Variants in FBXO11 observed in about 807,000 individuals in gnomAD.
FBXO11 encodes the protein F-box only protein 11.
FBXO11 carries 13 observed loss-of-function variants against 117.0 expected under a neutral mutation model. The observed-to-expected ratio is 0.11, with a 90% CI of 0.07 to 0.18. The LOEUF (loss-of-function observed/expected upper bound fraction) is 0.18. Ranked by LOEUF, FBXO11 falls within the 10% of genes least tolerant of loss-of-function variation. The pLI is 1.00. For missense variants in FBXO11, 767 were observed against 1,164.4 expected, an observed-to-expected ratio of 0.66 and a Z score of 4.97; for synonymous variants, 490 against 380.5, an observed-to-expected ratio of 1.29 and a Z score of -3.35.
At chr2:47,870,679 G>C (rs2103824723) in intron 1 of FBXO11, among the ~76,000 whole-genome samples, 1 of 152,336 alleles carries the variant, frequency 6.6e-6, no homozygotes, top group South Asian at 2.1e-4. Context: ...ATTTTAAACA[G>C]AAGTGTAAGA....
chr2:47,850,756 T>C (rs971186461), intron 1 of FBXO11, among the ~76,000 whole-genome samples: 1 of 152,222 alleles, frequency 6.6e-6, no homozygotes, highest in Non-Finnish European at 1.5e-5. Flanking sequence ...CTCTTGAGAA[T>C]AGCTTAAATT....
At chr2:47,854,501 A>AAAAT (rs542521269) in intron 1 of FBXO11, among the ~76,000 whole-genome samples, 175 of 152,032 alleles carry the variant, frequency 1.2e-3, no homozygotes, top group Middle Eastern at 6.8e-3. Context: ...GAATAAAATA[A>AAAAT]AAATAAATAA....
intron 12 of FBXO11, among the ~76,000 whole-genome samples, chr2:47,822,546 G>C (rs1345607058): frequency 6.6e-6 from 1 of 152,138 alleles, no homozygotes; most frequent in African/African-American, 2.4e-5. Context: ...TTTTTTAGCT[G>C]ATCTAGAAAC....
chr2:47,827,304 T>G (rs968960472), intron 11 of FBXO11, among the ~76,000 whole-genome samples: 2 of 151,946 alleles, frequency 1.3e-5, no homozygotes, highest in Admixed American at 6.6e-5. Flanking sequence ...CTTCAAGATT[T>G]TTTTGTTTGT....
intron 1 of FBXO11, among the ~76,000 whole-genome samples, chr2:47,842,018 T>A (rs1039836236): frequency 1.3e-5 from 2 of 149,730 alleles, no homozygotes; most frequent in Non-Finnish European, 3.0e-5. Context: ...CAGTTTTATT[T>A]TTATTTTTTT....
intron 21 of FBXO11, chr2:47,808,806 C>T (rs1670407141): frequency 3.9e-6 from 1 of 258,446 alleles, no homozygotes; most frequent in African/African-American, 2.2e-5. Flanking sequence ...CATTACACAA[C>T]ATGAGTTACA....
At position 47,807,001 on chromosome 2, in the gene FBXO11, T is replaced by TC; in HGVS notation, c.*1116dup. On this transcript the variant is annotated 3_prime_UTR_variant, in exon 23 of 23. Coordinates refer to ENST00000403359, the MANE Select transcript of FBXO11 (RefSeq NM_001190274.2). ...GGAAATTAAACCCTTTTAATTCTTA[T>TC]CTACCTTCTACATAATGGTTATTGA... The TC allele has an allele frequency of 1.4e-6, 1 of 694,718 alleles. No individual in the cohort carries two copies. The highest frequency in any genetic ancestry group is 2.5e-6 in the Non-Finnish European group (1 of 395,276). The allele number at this position is 694,718 out of a possible 1,614,324, so 43.0% of individuals were successfully genotyped here. A position where few individuals can be genotyped will look rare whatever the true frequency, so the allele number is the denominator to read the frequency against.
At chr2:47,825,086 G>GCCGCCACC (rs1671651086) in intron 11 of FBXO11, among the ~76,000 whole-genome samples, 13 of 150,862 alleles carry the variant, frequency 8.6e-5, no homozygotes, top group African/African-American at 3.1e-4. Flanking sequence ...AACAGGATTT[G>GCCGCCACC]ATGAATTTTT....
At chr2:47,878,545 TG>T (rs1052280171) in intron 1 of FBXO11, among the ~76,000 whole-genome samples, 15 of 151,946 alleles carry the variant, frequency 9.9e-5, no homozygotes, top group Non-Finnish European at 1.5e-4. Flanking sequence ...TCAGTAGAGA[TG>T]GGGTTTCACC....
chr2:47,903,366 G>A (rs1032785029), intron 1 of FBXO11, among the ~76,000 whole-genome samples: 23 of 152,130 alleles, frequency 1.5e-4, no homozygotes, highest in Non-Finnish European at 2.9e-5. Context: ...CAATTCTACA[G>A]TAAATTTCAT....
At chr2:47,866,461 C>T (rs1044816171) in intron 1 of FBXO11, among the ~76,000 whole-genome samples, 4 of 151,628 alleles carry the variant, frequency 2.6e-5, no homozygotes, top group Non-Finnish European at 5.9e-5. Context: ...CACATATCTA[C>T]GCTAGCAAGT....
rs1678763876 is a variant in FBXO11 at position 47,905,773 on chromosome 2, C to G, written c.-53G>C. On this transcript the variant is annotated 5_prime_UTR_variant, in exon 1 of 23. Coordinates refer to ENST00000403359, the MANE Select transcript of FBXO11 (RefSeq NM_001190274.2). ...GGAGGGACACACACACGCACACGCA[C>G]AGCGAGCTTCGGGGCAGGAGAAAGG... 4.7e-6 allele frequency: 7 copies of G among 1,492,214 alleles called. No homozygotes were observed. Among genetic ancestry groups the G allele is most frequent in the Non-Finnish European group, 5.3e-6 (6 of 1,123,706 alleles). The allele number at this position is 1,492,214 out of a possible 1,614,324, so 92.4% of individuals were successfully genotyped here.
chr2:47,816,867 ACAGG>A (rs1370366698), intron 16 of FBXO11, among the ~76,000 whole-genome samples: 1 of 152,182 alleles, frequency 6.6e-6, no homozygotes, highest in Non-Finnish European at 1.5e-5. Context: ...TTTATAGCGC[ACAGG>A]CAGAGTAGAT....
At position 47,866,365 on chromosome 2, in the gene FBXO11, C is replaced by T. The variant is rs75366383; in HGVS notation, c.233-26596G>A. Among the ~76,000 whole-genome samples the T allele has an allele frequency of 8.9e-3, 1,351 of 151,656 alleles. 8 individuals are homozygous for T. The highest frequency in any genetic ancestry group is 0.031 in the African/African-American group (1,278 of 41,362). ...TCTCATCTTTTATAACATACAACAT[C>T]TACAAAATGAGGGTGCTGTGTTACA... On this transcript the variant is annotated intron_variant, in intron 1 of 22. Transcript: ENST00000403359.
chr2:47,888,161 T>C (rs1019045721), intron 1 of FBXO11, among the ~76,000 whole-genome samples: 3 of 152,182 alleles, frequency 2.0e-5, no homozygotes, highest in African/African-American at 7.2e-5. Flanking sequence ...TATTCCATGC[T>C]CCCATCTACC....
Position 47,905,975 on chromosome 2 carries a change from C to T in FBXO11, c.-255G>A. Reference sequence around the variant, plus strand: ...CACGGGGAAGGCCGAAGCCGCCGGGCGGGGCGGCCGCGAGGGACGAAGGCA... The same window carrying T: ...CACGGGGAAGGCCGAAGCCGCCGGGTGGGGCGGCCGCGAGGGACGAAGGCA... On this transcript the variant is annotated 5_prime_UTR_variant, in exon 1 of 23. Coordinates refer to ENST00000403359, the MANE Select transcript of FBXO11 (RefSeq NM_001190274.2). The T allele has an allele frequency of 2.5e-6, 1 of 398,700 alleles. No individual in the cohort carries two copies. Among genetic ancestry groups the T allele is most frequent in the South Asian group, 4.5e-5 (1 of 22,308 alleles). The allele number at this position is 398,700 out of a possible 1,614,324, so 24.7% of individuals were successfully genotyped here.
rs750556419 is a variant in FBXO11, at chr2:47,809,714, T to G, written c.2339-7A>C. On this transcript the variant is annotated splice_polypyrimidine_tract_variant and splice_region_variant and intron_variant, in intron 19 of 22. Coordinates refer to ENST00000403359, the MANE Select transcript of FBXO11 (RefSeq NM_001190274.2). ...TGATTTGTAATTTCAATACCTGAAG[T>G]AAAATTTACAAACAAGTAGATACAT... The G allele has an allele frequency of 6.3e-7, 1 of 1,594,168 alleles. No homozygotes were observed. Among genetic ancestry groups the G allele is most frequent in the Non-Finnish European group, 8.6e-7 (1 of 1,162,940 alleles).
intron 1 of FBXO11, among the ~76,000 whole-genome samples, chr2:47,876,048 T>C (rs1389658340): frequency 6.6e-6 from 1 of 152,206 alleles, no homozygotes; most frequent in African/African-American, 2.4e-5. Context: ...TAAGGAAATT[T>C]ACGCGTAAGA....
chr2:47,857,517 T>C (rs1674398553), intron 1 of FBXO11, among the ~76,000 whole-genome samples: 1 of 152,158 alleles, frequency 6.6e-6, no homozygotes, highest in South Asian at 2.1e-4. Context: ...TAAAATAAGA[T>C]GCTGTATCTG....
Sources: gnomAD v4.1 joint callset for allele counts (sites outside exome capture counted in the v4.1 genomes callset) on GRCh38, gnomAD v4.1.1 for gene constraint, MANE v1.5 for transcripts, NCBI Gene and HGNC (gene_info 2026-07-23, HGNC 2026-07-21) for gene names.